The following EPHA6 variants were observed in gnomAD, a reference collection of about 807,000 sequenced individuals.
The protein encoded by EPHA6 is EPH receptor A6.
Under a neutral mutation model 112.0 loss-of-function variants are expected in EPHA6, and 50 were observed. The observed-to-expected ratio is 0.45, with a 90% CI of 0.36 to 0.56. The LOEUF (loss-of-function observed/expected upper bound fraction) is 0.56. EPHA6 is among the 20% of genes least tolerant of loss of function. EPHA6 has a pLI of 0.00. For synonymous variants in EPHA6, 529 were observed against 490.7 expected (o/e 1.08, Z -1.03); for missense variants, 1,280 against 1,417.4 (o/e 0.90, Z 1.56).
chr3:97,389,317 A>G (rs1290736059), intron 5 of EPHA6, among the ~76,000 whole-genome samples: 2 of 152,200 alleles, frequency 1.3e-5, no homozygotes, highest in Non-Finnish European at 2.9e-5. Context: ...TACTGGCTGA[A>G]TATAGTTGAT....
intron 3 of EPHA6, among the ~76,000 whole-genome samples, chr3:97,204,875 C>A (rs1559796909): frequency 6.6e-6 from 1 of 152,048 alleles, no homozygotes; most frequent in East Asian, 1.9e-4. Flanking sequence ...TCTTTACAAT[C>A]AGCTGAGTAG....
At chr3:97,336,369 T>C (rs1350537854) in intron 5 of EPHA6, among the ~76,000 whole-genome samples, 5 of 152,196 alleles carry the variant, frequency 3.3e-5, no homozygotes, top group Non-Finnish European at 5.9e-5. Flanking sequence ...TTATCAGTTA[T>C]GATTTTTGCA....
chr3:97,254,189 GTTTA>G (rs1422462467), intron 5 of EPHA6, among the ~76,000 whole-genome samples: 1 of 151,388 alleles, frequency 6.6e-6, no homozygotes. Context: ...TTTCCTTTTT[GTTTA>G]TTTGTTTGTT....
At chr3:97,023,523 T>C (rs1175571527) in intron 3 of EPHA6, among the ~76,000 whole-genome samples, 1 of 152,116 alleles carries the variant, frequency 6.6e-6, no homozygotes, top group African/African-American at 2.4e-5. Context: ...ATTTTTTTCA[T>C]GTTCTTATTT....
chr3:97,354,488 C>T (rs1409494040), intron 5 of EPHA6, among the ~76,000 whole-genome samples: 1 of 151,924 alleles, frequency 6.6e-6, no homozygotes, highest in Non-Finnish European at 1.5e-5. Context: ...GCATCAGAGT[C>T]TCTCAACAGC....
chr3:96,980,904 T>A (rs2042740943), intron 2 of EPHA6, among the ~76,000 whole-genome samples: 1 of 152,204 alleles, frequency 6.6e-6, no homozygotes. Context: ...TGATTTTGTA[T>A]CCTGAGACTT....
chr3:97,716,543 C>A (rs1459736469), intron 14 of EPHA6, among the ~76,000 whole-genome samples: 6 of 121,258 alleles, frequency 4.9e-5, no homozygotes, highest in Admixed American at 4.5e-4. Flanking sequence ...AGTCCGCAGT[C>A]CGGCCCGGGC....
At chr3:97,187,653 A>G (rs578071128) in intron 3 of EPHA6, among the ~76,000 whole-genome samples, 1 of 141,914 alleles carries the variant, frequency 7.0e-6, no homozygotes, top group Admixed American at 7.0e-5. Flanking sequence ...AGAGAGAGAA[A>G]GAAAGAAAGG....
chr3:97,537,507 G>A (rs140719092), intron 11 of EPHA6, among the ~76,000 whole-genome samples: 273 of 152,224 alleles, frequency 1.8e-3, no homozygotes, highest in Non-Finnish European at 2.9e-3. Context: ...TGCTGTTTTC[G>A]TTATAATTAT....
intron 7 of EPHA6, among the ~76,000 whole-genome samples, chr3:97,454,697 C>G (rs1363406082): frequency 6.6e-6 from 1 of 151,754 alleles, no homozygotes; most frequent in African/African-American, 2.4e-5. Flanking sequence ...ATTTTCTTCC[C>G]TAAACTCTTT....
intron 2 of EPHA6, among the ~76,000 whole-genome samples, chr3:96,886,381 G>A (rs760023024): frequency 3.3e-5 from 5 of 152,110 alleles, no homozygotes; most frequent in African/African-American, 7.2e-5. Context: ...ATATGTTTAC[G>A]ATTGTGATAT....
At chr3:97,680,523 A>T (rs2031778030) in intron 14 of EPHA6, among the ~76,000 whole-genome samples, 1 of 152,216 alleles carries the variant, frequency 6.6e-6, no homozygotes, top group African/African-American at 2.4e-5. Context: ...TAAATGAATG[A>T]ATCACTCAAC....
At chr3:97,231,714 G>C (rs768746928) in intron 4 of EPHA6, among the ~76,000 whole-genome samples, 1 of 151,956 alleles carries the variant, frequency 6.6e-6, no homozygotes, top group African/African-American at 2.4e-5. Flanking sequence ...GAAGATGAAG[G>C]GTGGAACTTT....
At chr3:96,934,007 G>T (rs1186394227) in intron 2 of EPHA6, among the ~76,000 whole-genome samples, 1 of 151,864 alleles carries the variant, frequency 6.6e-6, no homozygotes, top group African/African-American at 2.4e-5. Flanking sequence ...ATTATTTTAT[G>T]TACCAAATAA....
intron 7 of EPHA6, among the ~76,000 whole-genome samples, chr3:97,472,425 T>A (rs2091254498): frequency 2.0e-5 from 3 of 151,556 alleles, no homozygotes; most frequent in African/African-American, 4.8e-5. Flanking sequence ...ATATTAAGAG[T>A]TTGGCTCATT....
chr3:97,624,844 C>G (rs1464567136), intron 13 of EPHA6, among the ~76,000 whole-genome samples: 2 of 151,462 alleles, frequency 1.3e-5, no homozygotes, highest in African/African-American at 4.8e-5. Context: ...CACATACAAT[C>G]ATTTATAGTA....
intron 3 of EPHA6, among the ~76,000 whole-genome samples, chr3:97,035,649 A>G (rs1169513545): frequency 2.6e-5 from 4 of 151,780 alleles, no homozygotes; most frequent in Admixed American, 6.6e-5. Flanking sequence ...AATTTTCTTT[A>G]TATTTTCAAC....
intron 1 of EPHA6, among the ~76,000 whole-genome samples, chr3:96,861,158 C>T (rs998483586): frequency 2.0e-5 from 3 of 151,930 alleles, no homozygotes; most frequent in Admixed American, 6.6e-5. Context: ...GGATAAGGAT[C>T]TGGAGGTTCT....
intron 3 of EPHA6, among the ~76,000 whole-genome samples, chr3:97,126,021 A>G (rs905797664): frequency 3.3e-5 from 5 of 152,232 alleles, no homozygotes; most frequent in African/African-American, 4.8e-5. Flanking sequence ...ATTCAAGATC[A>G]AATGGCAAGG....
Sources: allele counts gnomAD v4.1 joint callset (sites outside exome capture counted in the v4.1 genomes callset), GRCh38; gene constraint gnomAD v4.1.1; transcripts MANE v1.5; gene names NCBI Gene and HGNC (gene_info 2026-07-23, HGNC 2026-07-21).